The following ROBO2 variants were observed in gnomAD, a reference collection of about 807,000 sequenced individuals.
The protein encoded by ROBO2 is roundabout homolog 2.
A neutral mutation model predicts 160.8 loss-of-function variants in ROBO2; 53 were observed. The ratio of observed to expected loss-of-function variants is 0.33; its 90% CI spans 0.26 to 0.41. The LOEUF is 0.41. Ranked by LOEUF, ROBO2 falls within the 10% of genes least tolerant of loss-of-function variation. The pLI, the probability that ROBO2 is intolerant of heterozygous loss-of-function variation, is 1.00. For missense variants in ROBO2, 1,577 were observed against 1,722.4 expected, an observed-to-expected ratio of 0.92 and a Z score of 1.49; for synonymous variants, 664 against 611.7, an observed-to-expected ratio of 1.09 and a Z score of -1.26.
chr3:76,719,279 G>A (rs1002166982), intron 2 of ROBO2, among the ~76,000 whole-genome samples: 3 of 152,166 alleles, frequency 2.0e-5, no homozygotes, highest in Admixed American at 1.3e-4. Context: ...TATAGATTCA[G>A]TCCCTTTTTC....
At chr3:77,004,531 G>A (rs527455927) in intron 2 of ROBO2, among the ~76,000 whole-genome samples, 33 of 152,056 alleles carry the variant, frequency 2.2e-4, no homozygotes, top group Non-Finnish European at 4.6e-4. Flanking sequence ...CAATGTCCAT[G>A]GTATTTCTAA....
chr3:76,783,851 T>C (rs1259434958), intron 2 of ROBO2, among the ~76,000 whole-genome samples: 5 of 151,120 alleles, frequency 3.3e-5, no homozygotes. Context: ...TTTTATAATG[T>C]GTACATTAGT....
At chr3:76,844,169 A>G (rs1482119061) in intron 2 of ROBO2, among the ~76,000 whole-genome samples, 1 of 151,976 alleles carries the variant, frequency 6.6e-6, no homozygotes, top group Non-Finnish European at 1.5e-5. Context: ...TTTGGGGTTA[A>G]AATGCTTCAT....
chr3:77,369,063 G>T (rs1560642605), intron 2 of ROBO2, among the ~76,000 whole-genome samples: 1 of 152,142 alleles, frequency 6.6e-6, no homozygotes, highest in Non-Finnish European at 1.5e-5. Flanking sequence ...ATAAGAGATA[G>T]AACTAGTATC....
intron 2 of ROBO2, among the ~76,000 whole-genome samples, chr3:76,504,362 G>A (rs9845341): frequency 0.085 from 12,889 of 152,098 alleles, 1,847 homozygotes; most frequent in African/African-American, 0.3. Context: ...AGAAAGCAAC[G>A]GCCAGCGCCT....
intron 2 of ROBO2, among the ~76,000 whole-genome samples, chr3:76,691,478 A>G (rs2092800556): frequency 6.6e-6 from 1 of 152,164 alleles, no homozygotes; most frequent in Admixed American, 6.6e-5. Context: ...TGGAAGCTAA[A>G]AAAAAATTAA....
chr3:76,824,937 G>T (rs531375172), intron 2 of ROBO2, among the ~76,000 whole-genome samples: 1 of 152,146 alleles, frequency 6.6e-6, no homozygotes, highest in African/African-American at 2.4e-5. Flanking sequence ...GAAGTCACCT[G>T]CTGGTCCCAA....
chr3:76,146,885 CACAA>C (rs1009346335), intron 2 of ROBO2, among the ~76,000 whole-genome samples: 4 of 149,876 alleles, frequency 2.7e-5, no homozygotes, highest in African/African-American at 9.8e-5. Flanking sequence ...CTCACACACA[CACAA>C]ACACACACAC....
chr3:76,225,422 A>C (rs1704224969), intron 2 of ROBO2, among the ~76,000 whole-genome samples: 1 of 152,208 alleles, frequency 6.6e-6, no homozygotes, highest in Admixed American at 6.6e-5. Context: ...CCTAATTTGA[A>C]AATGAATTCA....
intron 2 of ROBO2, among the ~76,000 whole-genome samples, chr3:75,982,085 G>A (rs1415574364): frequency 6.6e-6 from 1 of 151,436 alleles, no homozygotes; most frequent in Non-Finnish European, 1.5e-5. Context: ...CATCCATATT[G>A]TTGCAAATGA....
chr3:76,568,898 T>C (rs1447794), intron 2 of ROBO2, among the ~76,000 whole-genome samples: 139,781 of 152,244 alleles, frequency 0.92, 64,568 homozygotes, highest in East Asian at 1. Context: ...AGAATTGATA[T>C]GTAAAACCTG....
At chr3:76,745,513 T>G (rs2093870905) in intron 2 of ROBO2, among the ~76,000 whole-genome samples, 1 of 152,180 alleles carries the variant, frequency 6.6e-6, no homozygotes, top group Non-Finnish European at 1.5e-5. Context: ...TTTGTCTGTA[T>G]GCTTTTCCTT....
At chr3:77,277,586 G>A (rs997270659) in intron 2 of ROBO2, among the ~76,000 whole-genome samples, 20 of 152,046 alleles carry the variant, frequency 1.3e-4, no homozygotes, top group Non-Finnish European at 2.2e-4. Context: ...AGTTTGCTGA[G>A]GATAACAACT....
intron 2 of ROBO2, among the ~76,000 whole-genome samples, chr3:77,318,427 A>T (rs567388786): frequency 9.2e-5 from 14 of 152,352 alleles, no homozygotes; most frequent in African/African-American, 2.4e-4. Context: ...ATGCATTAGA[A>T]ACATCTGCTG....
chr3:76,474,481 C>T (rs2078826855), intron 2 of ROBO2, among the ~76,000 whole-genome samples: 1 of 152,028 alleles, frequency 6.6e-6, no homozygotes, highest in African/African-American at 2.4e-5. Flanking sequence ...TACTAAGTGC[C>T]AGGCCCCGTT....
intron 2 of ROBO2, among the ~76,000 whole-genome samples, chr3:77,153,093 C>A (rs997790360): frequency 6.6e-6 from 1 of 151,966 alleles, no homozygotes; most frequent in Non-Finnish European, 1.5e-5. Context: ...TCTTTTGATG[C>A]CTTTGTCTAG....
chr3:77,512,381 A>G (rs762435226), intron 5 of ROBO2, among the ~76,000 whole-genome samples: 1 of 151,974 alleles, frequency 6.6e-6, no homozygotes. Flanking sequence ...AAGAGGTAAA[A>G]GATTTAAGTT....
intron 2 of ROBO2, among the ~76,000 whole-genome samples, chr3:77,436,156 T>G (rs1240512163): frequency 1.5e-5 from 2 of 136,280 alleles, no homozygotes; most frequent in African/African-American, 2.5e-5. Flanking sequence ...TCCTGCAGTT[T>G]TTTTTACATT....
chr3:77,149,835 G>C (rs1434373508), intron 2 of ROBO2, among the ~76,000 whole-genome samples: 4 of 150,180 alleles, frequency 2.7e-5, no homozygotes, highest in Non-Finnish European at 3.0e-5. Context: ...TTGTCCATTA[G>C]TGTTGTGGTT....
Sources: gnomAD v4.1 joint callset for allele counts (sites outside exome capture counted in the v4.1 genomes callset) on GRCh38, gnomAD v4.1.1 for gene constraint, MANE v1.5 for transcripts, NCBI Gene and HGNC (gene_info 2026-07-23, HGNC 2026-07-21) for gene names.